The following TBC1D30 variants were observed in gnomAD, a reference collection of about 807,000 sequenced individuals.
TBC1D30 encodes the protein TBC1 domain family, member 30.
In TBC1D30, 31 loss-of-function variants were observed where a neutral mutation model predicts 63.2. The ratio of observed to expected loss-of-function variants is 0.49; its 90% CI spans 0.37 to 0.66. TBC1D30 has a LOEUF of 0.66. Ranked by LOEUF, TBC1D30 falls within the 30% of genes least tolerant of loss-of-function variation. TBC1D30 has a pLI of 0.00. For synonymous variants in TBC1D30, 307 were observed against 361.5 expected, an observed-to-expected ratio of 0.85 and a Z score of 1.71; for missense variants, 810 against 953.6, an observed-to-expected ratio of 0.85 and a Z score of 1.98.
chr12:64,779,368 T>C (rs1407444499), upstream of TBC1D30: 1 of 152,236 alleles, frequency 6.6e-6, no homozygotes, highest in Admixed American at 6.5e-5. Context: ...TTCATACATT[T>C]AAACATTAAA....
chr12:64,777,624 A>T (rs1259400669), upstream of TBC1D30, among the ~76,000 whole-genome samples: 3 of 152,244 alleles, frequency 2.0e-5, no homozygotes, highest in African/African-American at 7.2e-5. Flanking sequence ...AAACAAATGG[A>T]AAAACATTCC....
chr12:64,796,973 C>T (rs1005632595), intron 2 of TBC1D30, among the ~76,000 whole-genome samples: 5 of 129,894 alleles, frequency 3.8e-5, no homozygotes, highest in East Asian at 2.4e-4. Context: ...ATGACTTATA[C>T]TGAATGCTTA....
exon 2 of TBC1D30, chr12:64,785,971 A>T: frequency 2.3e-6 from 3 of 1,289,820 alleles, no homozygotes; most frequent in Non-Finnish European, 3.0e-6. Flanking sequence ...AAGCAGAAAG[A>T]TAGGCTTCTG....
intron 3 of TBC1D30, 68 bp from the exon 4 acceptor site, chr12:64,830,309 T>C: frequency 7.0e-7 from 1 of 1,426,202 alleles, no homozygotes; most frequent in Non-Finnish European, 9.3e-7. Flanking sequence ...ATGCAATAAC[T>C]ACTTTCTAAT....
chr12:64,791,903 T>G (rs1173360576), intron 2 of TBC1D30, among the ~76,000 whole-genome samples: 2 of 152,074 alleles, frequency 1.3e-5, no homozygotes, highest in African/African-American at 4.8e-5. Context: ...GGTTTTAAAT[T>G]ATCGATCCAG....
intron 2 of TBC1D30, among the ~76,000 whole-genome samples, chr12:64,786,863 A>G (rs1264620104): frequency 6.6e-6 from 1 of 152,000 alleles, no homozygotes; most frequent in Non-Finnish European, 1.5e-5. Context: ...GAATCACTTG[A>G]ACCTGGGAGG....
chr12:64,805,220 A>C (rs1872793640), intron 2 of TBC1D30, among the ~76,000 whole-genome samples: 1 of 152,144 alleles, frequency 6.6e-6, no homozygotes, highest in Non-Finnish European at 1.5e-5. Context: ...CTTTAAAACA[A>C]AATAAAAAAG....
At chr12:64,781,849 G>T (rs1423115337) in intron 1 of TBC1D30, among the ~76,000 whole-genome samples, 1 of 151,930 alleles carries the variant, frequency 6.6e-6, no homozygotes, top group African/African-American at 2.4e-5. Context: ...CAGCTCACTA[G>T]GAATTTTTGT....
In TBC1D30 at chr12:64,853,940, A is replaced by G. The variant is rs1413314354; in HGVS notation, c.1038+10455A>G. On this transcript the variant is annotated intron_variant, in intron 8 of 11. Coordinates refer to ENST00000539867, the MANE Select transcript of TBC1D30 (RefSeq NM_015279.2). ...AGACTGGAGCTGTTTCTATTCAGCC[A>G]TCTTGCCAGCTACCTGAGTCTATAT... 3.9e-5 allele frequency among the ~76,000 whole-genome samples: 6 copies of G among 152,364 alleles called. No homozygotes were observed. In the South Asian group the frequency reaches 8.3e-4, roughly 21 times the overall value.
upstream of TBC1D30, among the ~76,000 whole-genome samples, chr12:64,820,686 C>A (rs972701188): frequency 2.6e-5 from 4 of 152,206 alleles, no homozygotes; most frequent in African/African-American, 9.7e-5. Flanking sequence ...AAAGTCCATG[C>A]TGGCTTGAGT....
chr12:64,850,852 C>T (rs1451973304), intron 8 of TBC1D30, among the ~76,000 whole-genome samples: 1 of 152,102 alleles, frequency 6.6e-6, no homozygotes, highest in African/African-American at 2.4e-5. Flanking sequence ...AGGAATGGTA[C>T]CAGCTCCTCT....
Position 64,824,945 on chromosome 12 carries a change from C to A in TBC1D30, c.66C>A (p.Gly22=), listed in dbSNP as rs189439478. The A allele has an allele frequency of 2.9e-5, 45 of 1,534,504 alleles. No individual in the cohort carries two copies. The African/African-American group carries it at 5.7e-4, about 20-fold the overall frequency. Residue 22 remains glycine (G), a synonymous_variant, in exon 1 of 12, where the codon GGC becomes GGA. Transcript: ENST00000539867. ...RGGRCLKRQG[G]GVGTILSNVL... is the part of the protein sequence containing the mutation. Reference sequence around the variant, plus strand: ...GGAGATGCCTGAAGCGGCAGGGCGGCGGCGTGGGCACCATCCTGAGCAATG... The same window carrying A: ...GGAGATGCCTGAAGCGGCAGGGCGGAGGCGTGGGCACCATCCTGAGCAATG...
Position 64,876,028 on chromosome 12 carries a change from T to A in TBC1D30, c.*240T>A. On this transcript the variant is annotated 3_prime_UTR_variant, in exon 12 of 12. Coordinates refer to ENST00000539867, the MANE Select transcript of TBC1D30 (RefSeq NM_015279.2). ...TGGCAAAATAAATATTGTGGTTTTA[T>A]AGTGTGAAGTTTTCCCAATTTTTCA... The A allele has an allele frequency of 2.2e-6, 1 of 451,374 alleles. No homozygotes were observed. Among genetic ancestry groups the A allele is most frequent in the South Asian group, 4.4e-5 (1 of 22,896 alleles). 28.0% of individuals were successfully genotyped at this position (451,374 alleles called of 1,614,324 possible).
chr12:64,855,337 A>T (rs1421790170), intron 8 of TBC1D30, among the ~76,000 whole-genome samples: 1 of 152,074 alleles, frequency 6.6e-6, no homozygotes, highest in Non-Finnish European at 1.5e-5. Flanking sequence ...GGTGTTCTAT[A>T]ACCTTCTTGT....
chr12:64,827,859 C>G lies in TBC1D30; in HGVS notation c.179C>G (p.Thr60Ser), dbSNP rs909920541. ...GGAGTTGATACCAAGTTGAAATTCA[C>G]TCTTGAGCCATCTTTAGGTCAAAAT... ...EPGVDTKLKF[T>S]LEPSLGQNGF... The change falls in exon 2 of 12, where the codon ACT (threonine) becomes AGT (serine). Residue 60 changes from threonine to serine, a missense_variant. Around this residue, in one of 4 missense-constraint regions of TBC1D30, gnomAD observed 272 missense variants for 335.9 expected, o/e 0.81. Transcript: ENST00000539867. 1 of 1,534,522 alleles carries G rather than the reference C, an allele frequency of 6.5e-7. No homozygotes were observed. Among genetic ancestry groups the G allele is most frequent in the Admixed American group, 2.0e-5 (1 of 50,824 alleles).
intron 8 of TBC1D30, among the ~76,000 whole-genome samples, chr12:64,850,509 C>T (rs182398504): frequency 1.5e-3 from 226 of 152,226 alleles, no homozygotes; most frequent in Admixed American, 3.1e-3. Flanking sequence ...TTGTCGAAGG[C>T]CTTTTCTGCA....
chr12:64,863,815 C>A (rs187149994), intron 8 of TBC1D30, among the ~76,000 whole-genome samples: 2 of 152,284 alleles, frequency 1.3e-5, no homozygotes, highest in East Asian at 3.9e-4. Context: ...ATAAAAAATA[C>A]CTTTTTAAAA....
At chr12:64,866,697 T>C (rs1308132270) in intron 9 of TBC1D30, 67 bp from the exon 10 acceptor site, 2 of 1,421,740 alleles carry the variant, frequency 1.4e-6, no homozygotes, top group African/African-American at 1.4e-5. Context: ...ACCATGTAAC[T>C]GTATTATGTT....
At chr12:64,859,739 T>G (rs1483578166) in intron 8 of TBC1D30, among the ~76,000 whole-genome samples, 1 of 151,906 alleles carries the variant, frequency 6.6e-6, no homozygotes, top group Non-Finnish European at 1.5e-5. Context: ...GAGGTGTACT[T>G]GGACTGCCCC....
Sources: gnomAD v4.1 joint callset for allele counts (sites outside exome capture counted in the v4.1 genomes callset) on GRCh38, gnomAD v4.1.1 for gene constraint, gnomAD v4.1.1 regional missense constraint, MANE v1.5 for transcripts, NCBI Gene and HGNC (gene_info 2026-07-23, HGNC 2026-07-21) for gene names.